Variants in SNRK observed in about 807,000 individuals in gnomAD.
SNRK encodes the protein SNF related kinase.
SNRK carries 3 observed loss-of-function variants against 48.2 expected under a neutral mutation model. That is an observed-to-expected ratio of 0.06 (90% CI 0.03 to 0.16). The LOEUF is 0.16. Among genes scored for constraint, SNRK ranks in the 10% least tolerant of loss-of-function variants. The pLI, the probability that SNRK is intolerant of heterozygous loss-of-function variation, is 1.00. For synonymous variants in SNRK, 376 were observed against 366.1 expected (o/e 1.03, Z -0.31); for missense variants, 627 against 976.0 (o/e 0.64, Z 4.76).
intron 3 of SNRK, among the ~76,000 whole-genome samples, chr3:43,324,394 G>A (rs1344460902): frequency 6.6e-6 from 1 of 151,936 alleles, no homozygotes; most frequent in African/African-American, 2.4e-5. Context: ...CTGTGGTTCC[G>A]GCTACTCCGG....
chr3:43,298,408 G>C (rs969475291), intron 1 of SNRK, among the ~76,000 whole-genome samples: 7 of 152,142 alleles, frequency 4.6e-5, no homozygotes, highest in African/African-American at 1.4e-4. Flanking sequence ...GAACCAGTCA[G>C]GTAGGCATCC....
chr3:43,301,650 A>T (rs1378250814), intron 2 of SNRK, among the ~76,000 whole-genome samples: 1 of 152,222 alleles, frequency 6.6e-6, no homozygotes, highest in Non-Finnish European at 1.5e-5. Flanking sequence ...CTTACCTATT[A>T]TATGTCAAAT....
intron 1 of SNRK, among the ~76,000 whole-genome samples, chr3:43,299,324 C>G (rs1002340297): frequency 1.3e-5 from 2 of 152,016 alleles, no homozygotes; most frequent in Non-Finnish European, 2.9e-5. Flanking sequence ...ATTACAGGCG[C>G]CCGCCTCCAC....
In SNRK at chr3:43,348,630, T is replaced by C; in HGVS notation, c.*73T>C. The stretch of plus-strand genomic sequence containing the variant: ...AGACCGGCTCACTTCACTGTTCCAT[T>C]TGGTTTTACTATTTTAAAGTGGGCG... On this transcript the variant is annotated 3_prime_UTR_variant, in exon 7 of 7. Coordinates refer to ENST00000296088, the MANE Select transcript of SNRK (RefSeq NM_017719.5). The C allele has an allele frequency of 7.1e-7, 1 of 1,402,570 alleles. No homozygotes were observed. The highest frequency in any genetic ancestry group is 9.3e-7 in the Non-Finnish European group (1 of 1,078,488). 86.9% of individuals were successfully genotyped at this position (1,402,570 alleles called of 1,614,324 possible). A position where few individuals can be genotyped will look rare whatever the true frequency, so the allele number is the denominator to read the frequency against.
intron 5 of SNRK, among the ~76,000 whole-genome samples, chr3:43,342,603 T>TTAC: frequency 6.6e-6 from 1 of 152,332 alleles, no homozygotes; most frequent in Admixed American, 6.5e-5. Context: ...GAAAACGTAG[T>TTAC]TACGTATTTC....
chr3:43,320,178 GA>G (rs1241880991), intron 3 of SNRK, among the ~76,000 whole-genome samples: 2 of 152,016 alleles, frequency 1.3e-5, no homozygotes, highest in East Asian at 3.9e-4. Context: ...TCATGGATAT[GA>G]CTTGAGTAGG....
chr3:43,335,674 G>T (rs2091182388), intron 4 of SNRK, among the ~76,000 whole-genome samples: 1 of 152,228 alleles, frequency 6.6e-6, no homozygotes, highest in African/African-American at 2.4e-5. Flanking sequence ...TTCTTCCACT[G>T]TGATGGTGGA....
At chr3:43,289,963 A>G (rs564293545) in intron 1 of SNRK, among the ~76,000 whole-genome samples, 327 of 152,344 alleles carry the variant, frequency 2.1e-3, no homozygotes, top group Non-Finnish European at 4.0e-3. Flanking sequence ...GATTAGGTCT[A>G]TCTGCACATC....
At chr3:43,321,394 A>T (rs1342838209) in intron 3 of SNRK, among the ~76,000 whole-genome samples, 1 of 152,124 alleles carries the variant, frequency 6.6e-6, no homozygotes, top group Non-Finnish European at 1.5e-5. Context: ...CCTATTGATC[A>T]TTTACCAGTT....
At chr3:43,338,032 G>C (rs968058886) in intron 4 of SNRK, among the ~76,000 whole-genome samples, 8 of 152,194 alleles carry the variant, frequency 5.3e-5, no homozygotes, top group African/African-American at 1.9e-4. Context: ...TGACGGGTAT[G>C]AGCCACTGCG....
intron 1 of SNRK, chr3:43,289,876 G>A (rs995770935): frequency 3.3e-5 from 5 of 152,598 alleles, no homozygotes; most frequent in Admixed American, 2.0e-4. Flanking sequence ...CTACTCAAAA[G>A]TTACTTCAGA....
intron 2 of SNRK, among the ~76,000 whole-genome samples, chr3:43,302,753 C>T (rs894640649): frequency 8.0e-5 from 12 of 150,642 alleles, no homozygotes; most frequent in South Asian, 4.2e-4. Context: ...TCAACTGTTG[C>T]GTTATTTTTT....
chr3:43,318,169 C>G (rs1023569028), intron 3 of SNRK, among the ~76,000 whole-genome samples: 45 of 152,012 alleles, frequency 3.0e-4, no homozygotes, highest in Admixed American at 2.4e-3. Context: ...AATTTGTCCT[C>G]GGGAATTTCT....
chr3:43,294,184 G>T (rs759587456), intron 1 of SNRK, among the ~76,000 whole-genome samples: 2 of 152,082 alleles, frequency 1.3e-5, no homozygotes, highest in Admixed American at 6.6e-5. Context: ...TTTGAGACAT[G>T]AATCTAGTAG....
intron 6 of SNRK, among the ~76,000 whole-genome samples, chr3:43,345,673 G>C (rs2091269930): frequency 6.6e-6 from 1 of 152,286 alleles, no homozygotes; most frequent in South Asian, 2.1e-4. Context: ...AGAGAATGAA[G>C]TCCCAGATGC....
chr3:43,306,662 G>C (rs1298733279), intron 3 of SNRK, among the ~76,000 whole-genome samples: 2 of 152,026 alleles, frequency 1.3e-5, no homozygotes, highest in African/African-American at 4.8e-5. Flanking sequence ...AAGACAATTT[G>C]GCAATATCTG....
intron 1 of SNRK, among the ~76,000 whole-genome samples, chr3:43,288,281 G>A (rs1690983155): frequency 1.3e-5 from 2 of 151,798 alleles, no homozygotes; most frequent in Admixed American, 1.3e-4. Context: ...TGTTCATTTT[G>A]TGCACAAAAA....
chr3:43,340,303 C>G lies in SNRK; in HGVS notation c.748C>G (p.Leu250Val). The change falls in exon 5 of 7, where the codon CTA becomes GTA. Residue 250 changes from leucine to valine, a missense_variant. Physicochemically the swap from Leu to Val is conservative, Grantham distance 32. Around this residue, in one of 4 missense-constraint regions of SNRK, gnomAD observed 147 missense variants for 356.8 expected, o/e 0.41. Transcript: ENST00000296088. ...CCTTTCCAGCCTAATCACACGGATG[C>G]TACAGAGAGATCCCAAGAGAAGGGC... ...KECKDLITRM[L>V]QRDPKRRASL... 6.2e-7 allele frequency: 1 copy of G among 1,614,016 alleles called. No homozygotes were observed. Among genetic ancestry groups the G allele is most frequent in the Non-Finnish European group, 8.5e-7 (1 of 1,179,922 alleles).
rs1488057856 is a variant in SNRK at position 43,348,189 on chromosome 3, G to A, written c.1930G>A (p.Val644Ile). 1.1e-5 allele frequency: 18 copies of A among 1,600,740 alleles called. No individual in the cohort carries two copies. The East Asian group carries it at 1.3e-4, about 12-fold the overall frequency. ...QLASRSAGEL[V>I]ESLKLMSLCL... ...GGCCTCTCGCAGTGCTGGGGAGCTC[G>A]TTGAGAGCCTCAAACTCATGAGCCT... The change falls in exon 7 of 7, where the codon GTT (valine) becomes ATT (isoleucine). Residue 644 changes from valine (V) to isoleucine (I), a missense_variant. Physicochemically the swap from Val to Ile is conservative, Grantham distance 29. This residue lies in a region of SNRK where 207 missense variants were observed against 234.3 expected (regional missense o/e 0.88). Coordinates refer to ENST00000296088, the MANE Select transcript of SNRK (RefSeq NM_017719.5).
Sources: gnomAD v4.1 joint callset for allele counts (sites outside exome capture counted in the v4.1 genomes callset) on GRCh38, gnomAD v4.1.1 for gene constraint, gnomAD v4.1.1 regional missense constraint, MANE v1.5 for transcripts, NCBI Gene and HGNC (gene_info 2026-07-23, HGNC 2026-07-21) for gene names.